PDGFC: variants seen among roughly 807,000 people sequenced by gnomAD.
PDGFC encodes platelet-derived growth factor C.
In PDGFC, 12 loss-of-function variants were observed where a neutral mutation model predicts 35.5. The observed-to-expected ratio is 0.34, with a 90% CI of 0.22 to 0.55. PDGFC has a LOEUF of 0.55. PDGFC is among the 20% of genes least tolerant of loss of function. PDGFC has a pLI of 0.91. For synonymous variants in PDGFC, 159 were observed against 148.8 expected (o/e 1.07, Z -0.50); for missense variants, 322 against 412.4 (o/e 0.78, Z 1.90).
intron 1 of PDGFC, among the ~76,000 whole-genome samples, chr4:156,910,189 T>C (rs1233371287): frequency 6.6e-6 from 1 of 152,104 alleles, no homozygotes. Flanking sequence ...TAGAAAACAA[T>C]TATATTTTGT....
At chr4:156,846,126 T>C (rs538918507) in intron 2 of PDGFC, among the ~76,000 whole-genome samples, 5 of 151,894 alleles carry the variant, frequency 3.3e-5, no homozygotes, top group Middle Eastern at 3.4e-3. Context: ...AGTGGACTCA[T>C]AAATGGATGC....
chr4:156,761,114 C>T lies in PDGFC; in HGVS notation c.*1976G>A, dbSNP rs528567174. ...TGAAGAGCAGTCTGAAGACAGAAGG[C>T]CCTGGACACTAGACATCTCTGCCAA... On this transcript the variant is annotated 3_prime_UTR_variant, in exon 6 of 6. Transcript: ENST00000502773. The T allele has an allele frequency of 6.6e-6, 1 of 152,270 alleles. No individual in the cohort carries two copies. Among genetic ancestry groups the T allele is most frequent in the South Asian group, 2.1e-4 (1 of 4,816 alleles). 9.4% of individuals were successfully genotyped at this position (152,270 alleles called of 1,614,324 possible).
At chr4:156,938,235 G>A (rs77132831) in intron 1 of PDGFC, among the ~76,000 whole-genome samples, 14,383 of 152,104 alleles carry the variant, frequency 0.095, 2,065 homozygotes, top group African/African-American at 0.31. Flanking sequence ...AAGAAATATA[G>A]AGATATGTAA....
At chr4:156,950,071 G>C (rs1732043326) in intron 1 of PDGFC, among the ~76,000 whole-genome samples, 1 of 151,892 alleles carries the variant, frequency 6.6e-6, no homozygotes, top group South Asian at 2.1e-4. Context: ...TGATTATGAA[G>C]GGGTCTCGAG....
intron 1 of PDGFC, among the ~76,000 whole-genome samples, chr4:156,873,059 A>T (rs1006921770): frequency 6.6e-6 from 1 of 152,124 alleles, no homozygotes; most frequent in African/African-American, 2.4e-5. Context: ...TGAGCCCAGA[A>T]ATTTTAGGCT....
At chr4:156,788,077 G>A (rs999002789) in intron 3 of PDGFC, among the ~76,000 whole-genome samples, 10 of 152,142 alleles carry the variant, frequency 6.6e-5, no homozygotes, top group South Asian at 2.1e-4. Context: ...CAACATTCAT[G>A]GTGTGGGGGC....
At chr4:156,798,788 C>A (rs924795658) in intron 3 of PDGFC, among the ~76,000 whole-genome samples, 3 of 152,150 alleles carry the variant, frequency 2.0e-5, no homozygotes, top group African/African-American at 7.2e-5. Context: ...TCTAAAAAAA[C>A]TAATTACACT....
At chr4:156,963,272 A>G (rs2110976729) in intron 1 of PDGFC, among the ~76,000 whole-genome samples, 1 of 152,152 alleles carries the variant, frequency 6.6e-6, no homozygotes, top group South Asian at 2.1e-4. Flanking sequence ...GTTCAAGACC[A>G]GCCTGGGCAA....
intron 1 of PDGFC, among the ~76,000 whole-genome samples, chr4:156,925,939 C>T (rs1333479174): frequency 6.7e-6 from 1 of 149,306 alleles, no homozygotes; most frequent in East Asian, 2.0e-4. Flanking sequence ...GTAATCCCAG[C>T]TACTCAGTAG....
At chr4:156,891,557 G>C (rs1730511090) in intron 1 of PDGFC, among the ~76,000 whole-genome samples, 2 of 152,082 alleles carry the variant, frequency 1.3e-5, no homozygotes, top group Admixed American at 1.3e-4. Context: ...TTTCAGTGAG[G>C]TTTGGCATCG....
intron 1 of PDGFC, among the ~76,000 whole-genome samples, chr4:156,900,641 A>C (rs1030312030): frequency 1.8e-4 from 28 of 152,036 alleles, no homozygotes; most frequent in African/African-American, 6.8e-4. Flanking sequence ...AGGAGTTCAA[A>C]ACCAGCAAGG....
intron 1 of PDGFC, among the ~76,000 whole-genome samples, chr4:156,899,946 T>A (rs1166162658): frequency 1.3e-5 from 2 of 152,220 alleles, no homozygotes; most frequent in African/African-American, 4.8e-5. Flanking sequence ...GAGCACTCTC[T>A]CCCTCTGAAA....
chr4:156,938,733 G>T (rs768714583), intron 1 of PDGFC, among the ~76,000 whole-genome samples: 13 of 151,684 alleles, frequency 8.6e-5, no homozygotes, highest in Non-Finnish European at 1.8e-4. Context: ...TGAATTTTAG[G>T]CACTTTATTC....
chr4:156,871,396 TTC>T (rs1345344991), intron 1 of PDGFC, among the ~76,000 whole-genome samples: 2 of 152,108 alleles, frequency 1.3e-5, no homozygotes, highest in African/African-American at 4.8e-5. Context: ...TAAAGCATTA[TTC>T]TGAGATTTTG....
intron 2 of PDGFC, among the ~76,000 whole-genome samples, chr4:156,816,823 A>G (rs1042714158): frequency 1.3e-5 from 2 of 152,214 alleles, no homozygotes; most frequent in Non-Finnish European, 2.9e-5. Flanking sequence ...ATCTCTATTC[A>G]GATTGGCCAA....
At chr4:156,865,817 G>C (rs1729827122) in intron 1 of PDGFC, among the ~76,000 whole-genome samples, 1 of 152,172 alleles carries the variant, frequency 6.6e-6, no homozygotes, top group South Asian at 2.1e-4. Context: ...GTTTTAAAAT[G>C]AGCAGTGGTT....
At chr4:156,851,900 C>T (rs1729463513) in intron 1 of PDGFC, among the ~76,000 whole-genome samples, 1 of 122,624 alleles carries the variant, frequency 8.2e-6, no homozygotes, top group Non-Finnish European at 1.6e-5. Context: ...CACTGCACTC[C>T]AGCCTGGGCG....
chr4:156,911,283 A>T (rs551289815), intron 1 of PDGFC, among the ~76,000 whole-genome samples: 1 of 152,256 alleles, frequency 6.6e-6, no homozygotes, highest in Non-Finnish European at 1.5e-5. Flanking sequence ...ACATCCATTT[A>T]AACATACATA....
intron 3 of PDGFC, among the ~76,000 whole-genome samples, chr4:156,802,951 GT>G (rs989944488): frequency 3.9e-5 from 6 of 152,134 alleles, no homozygotes; most frequent in African/African-American, 1.4e-4. Flanking sequence ...ATTCATGGAA[GT>G]TTTACTCTCT....
Sources: gnomAD v4.1 joint callset for allele counts (sites outside exome capture counted in the v4.1 genomes callset) on GRCh38, gnomAD v4.1.1 for gene constraint, MANE v1.5 for transcripts, NCBI Gene and HGNC (gene_info 2026-07-23, HGNC 2026-07-21) for gene names.